B3GALT1: variants seen among roughly 807,000 people sequenced by gnomAD.
The protein encoded by B3GALT1 is beta-1,3-galactosyltransferase 1.
In B3GALT1, 10 loss-of-function variants were observed where a neutral mutation model predicts 23.2. That is an observed-to-expected ratio of 0.43 (90% CI 0.27 to 0.73). B3GALT1 has a LOEUF of 0.73. B3GALT1 is among the 30% of genes least tolerant of loss of function. B3GALT1 has a pLI of 0.21. For synonymous variants in B3GALT1, 156 were observed against 141.5 expected (o/e 1.10, Z -0.73); for missense variants, 299 against 405.4 (o/e 0.74, Z 2.25).
At chr2:167,538,538 A>G (rs947569829) in intron 2 of B3GALT1, among the ~76,000 whole-genome samples, 4 of 152,148 alleles carry the variant, frequency 2.6e-5, no homozygotes, top group African/African-American at 4.8e-5. Flanking sequence ...CTTCTGTATA[A>G]TATACCTGAC....
intron 1 of B3GALT1, among the ~76,000 whole-genome samples, chr2:167,344,693 C>T (rs759530428): frequency 2.6e-5 from 4 of 152,068 alleles, no homozygotes; most frequent in Admixed American, 6.6e-5. Context: ...GTGTGGCAAG[C>T]GTGAGGAAAG....
chr2:167,307,479 A>G (rs184457309), intron 1 of B3GALT1, among the ~76,000 whole-genome samples: 25 of 152,122 alleles, frequency 1.6e-4, no homozygotes, highest in South Asian at 1.0e-3. Flanking sequence ...GTCAAGTGAA[A>G]TGATTTTGGA....
intron 1 of B3GALT1, among the ~76,000 whole-genome samples, chr2:167,396,897 A>G (rs942772450): frequency 3.3e-5 from 5 of 152,122 alleles, no homozygotes; most frequent in South Asian, 2.1e-4. Flanking sequence ...TAAAAATGGC[A>G]TGCTCTAATG....
chr2:167,619,421 A>G (rs1685219225), intron 2 of B3GALT1, among the ~76,000 whole-genome samples: 1 of 152,080 alleles, frequency 6.6e-6, no homozygotes, highest in Admixed American at 6.6e-5. Flanking sequence ...ATTAAACTGC[A>G]TGGGGACAGG....
intron 1 of B3GALT1, among the ~76,000 whole-genome samples, chr2:167,398,958 A>G (rs1698142780): frequency 6.6e-6 from 1 of 152,156 alleles, no homozygotes; most frequent in Non-Finnish European, 1.5e-5. Flanking sequence ...GTCAGCACAG[A>G]CCTCATATGC....
At chr2:167,774,497 G>GTTT (rs397986581) in intron 3 of B3GALT1, among the ~76,000 whole-genome samples, 14 of 82,988 alleles carry the variant, frequency 1.7e-4, no homozygotes, top group African/African-American at 3.8e-4. Context: ...TTTTTTTTTT[G>GTTT]TTTTTTTTTT....
chr2:167,740,446 A>T (rs1472985684), intron 3 of B3GALT1, among the ~76,000 whole-genome samples: 1 of 152,138 alleles, frequency 6.6e-6, no homozygotes, highest in Non-Finnish European at 1.5e-5. Context: ...CCTGACTTGG[A>T]TCCAAAATGA....
chr2:167,662,074 T>TA (rs34648588), intron 3 of B3GALT1, among the ~76,000 whole-genome samples: 86,418 of 146,444 alleles, frequency 0.59, 27,682 homozygotes, highest in Middle Eastern at 0.77. Context: ...TCAGAGATGT[T>TA]AAAAAAAAAA....
intron 2 of B3GALT1, among the ~76,000 whole-genome samples, chr2:167,588,846 T>TTTCC (rs979698628): frequency 4.8e-5 from 6 of 125,098 alleles, no homozygotes; most frequent in African/African-American, 1.5e-4. Context: ...TCCTTCCTTC[T>TTTCC]TTCCTTCCTT....
intron 2 of B3GALT1, among the ~76,000 whole-genome samples, chr2:167,545,369 C>A (rs1345719540): frequency 6.6e-6 from 1 of 151,932 alleles, no homozygotes; most frequent in African/African-American, 2.4e-5. Context: ...CCCCTTATGA[C>A]CCCTCCCCTT....
intron 1 of B3GALT1, among the ~76,000 whole-genome samples, chr2:167,386,889 A>G (rs1697936487): frequency 6.6e-6 from 1 of 152,230 alleles, no homozygotes; most frequent in Admixed American, 6.5e-5. Flanking sequence ...AAAATAGATG[A>G]AAGAGAAGAC....
chr2:167,322,722 G>T (rs1696833244), intron 1 of B3GALT1, among the ~76,000 whole-genome samples: 1 of 151,972 alleles, frequency 6.6e-6, no homozygotes, highest in African/African-American at 2.4e-5. Flanking sequence ...TCTTCTCTTG[G>T]TAAAGGAGCC....
chr2:167,489,559 G>A (rs904890409), intron 1 of B3GALT1, among the ~76,000 whole-genome samples: 1 of 152,176 alleles, frequency 6.6e-6, no homozygotes, highest in Admixed American at 6.5e-5. Flanking sequence ...AGAAAAGAAT[G>A]CCTGAGACTT....
intron 1 of B3GALT1, among the ~76,000 whole-genome samples, chr2:167,369,072 T>G: frequency 2.5e-4 from 2 of 8,036 alleles, no homozygotes; most frequent in Non-Finnish European, 3.2e-3. Context: ...TGTGTGTGTG[T>G]GTGTGTGTGT....
chr2:167,319,541 C>T (rs1282152579), intron 1 of B3GALT1, among the ~76,000 whole-genome samples: 4 of 151,998 alleles, frequency 2.6e-5, no homozygotes, highest in Admixed American at 2.6e-4. Context: ...TAAAGAAACA[C>T]CCATAAGTCA....
intron 2 of B3GALT1, among the ~76,000 whole-genome samples, chr2:167,560,401 C>G (rs1209855082): frequency 6.6e-6 from 1 of 151,670 alleles, no homozygotes; most frequent in East Asian, 1.9e-4. Context: ...CATCAACTAA[C>G]AAGCAAAATA....
Position 167,564,649 on chromosome 2 carries a change from C to G in B3GALT1, c.-410+74372C>G, listed in dbSNP as rs188429797. Among the ~76,000 whole-genome samples, 621 of 152,302 alleles carry G rather than the reference C, an allele frequency of 4.1e-3. 5 individuals are homozygous for G. Among genetic ancestry groups the G allele is most frequent in the African/African-American group, 0.014 (587 of 41,572 alleles). ...GCCGAGGCCGGCGGATCACTCGTGG[C>G]TAGGAGCTGGAGACCAGCCCGGCCA... On this transcript the variant is annotated intron_variant, in intron 2 of 4. Coordinates refer to ENST00000392690, the MANE Select transcript of B3GALT1 (RefSeq NM_020981.4).
At chr2:167,324,346 A>G (rs551411345) in intron 1 of B3GALT1, among the ~76,000 whole-genome samples, 91 of 151,968 alleles carry the variant, frequency 6.0e-4, no homozygotes, top group African/African-American at 2.0e-3. Flanking sequence ...GAAATTCTCT[A>G]CTTGTTTTGA....
chr2:167,714,492 C>G, intron 3 of B3GALT1: 1 of 1,608,386 alleles, frequency 6.2e-7, no homozygotes, highest in Non-Finnish European at 8.5e-7. Flanking sequence ...GAAGGCTGAC[C>G]CAACGGTGAG....
Sources: allele counts gnomAD v4.1 joint callset (sites outside exome capture counted in the v4.1 genomes callset), GRCh38; gene constraint gnomAD v4.1.1; transcripts MANE v1.5; gene names NCBI Gene and HGNC (gene_info 2026-07-23, HGNC 2026-07-21).